Variants in IKZF3 observed in about 807,000 individuals in gnomAD.
The protein encoded by IKZF3 is IKAROS family zinc finger 3, also known as zinc finger protein Aiolos.
In IKZF3, 10 loss-of-function variants were observed where a neutral mutation model predicts 49.0. The ratio of observed to expected loss-of-function variants is 0.20; its 90% CI spans 0.13 to 0.35. The LOEUF is 0.35. Among genes scored for constraint, IKZF3 ranks in the 10% least tolerant of loss-of-function variants. IKZF3 has a pLI of 1.00. For synonymous variants in IKZF3, 209 were observed against 228.2 expected (o/e 0.92, Z 0.76); for missense variants, 498 against 664.8 (o/e 0.75, Z 2.76).
intron 5 of IKZF3, among the ~76,000 whole-genome samples, chr17:39,788,717 T>C (rs536612821): frequency 6.6e-6 from 1 of 152,154 alleles, no homozygotes; most frequent in South Asian, 2.1e-4. Context: ...AGGAGGTTAA[T>C]GTGGTATAAG....
At position 39,781,931 on chromosome 17, in the gene IKZF3, A is replaced by G. The variant is rs551951231; in HGVS notation, c.710-4164T>C. ...GACATATTTTGAGGCATGGGTGGAG[A>G]CTTTCCCATTTCCACAACTCCGATT... On this transcript the variant is annotated intron_variant, in intron 6 of 7. Transcript: ENST00000346872. Among the ~76,000 whole-genome samples, 8 of 152,252 alleles carry G rather than the reference A, an allele frequency of 5.3e-5. No individual in the cohort carries two copies. In the South Asian group the frequency reaches 1.7e-3, roughly 32 times the overall value.
At chr17:39,801,294 TGCCAATTCAGAGATAATGAG>T (rs1383601950) in intron 3 of IKZF3, among the ~76,000 whole-genome samples, 1 of 143,962 alleles carries the variant, frequency 6.9e-6, no homozygotes, top group Non-Finnish European at 1.5e-5. Context: ...TGATTTGCTA[TGCCAATTCAGAGATAATGAG>T]GCCCTAATGC....
intron 7 of IKZF3, among the ~76,000 whole-genome samples, chr17:39,767,235 AG>A (rs1168482715): frequency 6.6e-6 from 1 of 152,150 alleles, no homozygotes; most frequent in Non-Finnish European, 1.5e-5. Context: ...TGTGATCATT[AG>A]GGCCTATCTC....
intron 1 of IKZF3, chr17:39,835,177 T>TATGG (rs2062235761): frequency 2.0e-6 from 1 of 501,676 alleles, no homozygotes; most frequent in African/African-American, 1.9e-5. Flanking sequence ...GTGGTCTTCA[T>TATGG]ATGGATACTC....
Position 39,829,550 on chromosome 17 carries a change from A to C in IKZF3, c.62-62T>G. The C allele has an allele frequency of 1.2e-5, 13 of 1,104,214 alleles. 1 individual carries two copies. In the South Asian group the frequency reaches 1.6e-4, roughly 13 times the overall value. The allele number at this position is 1,104,214 out of a possible 1,614,324, so 68.4% of individuals were successfully genotyped here. ...CGTTAAAGGATTTTTATAAATATAT[A>C]TTAAGTAGACCCCCATTTAACTTTC... On this transcript the variant is annotated intron_variant, in intron 2 of 7. Coordinates refer to ENST00000346872, the MANE Select transcript of IKZF3 (RefSeq NM_012481.5).
rs1302855482 is a variant in IKZF3 at position 39,779,650 on chromosome 17, TTTG to T, written c.710-1886_710-1884del. Among the ~76,000 whole-genome samples, 4 of 146,352 alleles carry T rather than the reference TTTG, an allele frequency of 2.7e-5. No individual in the cohort carries two copies. In the East Asian group the frequency reaches 5.8e-4, roughly 21 times the overall value. On this transcript the variant is annotated intron_variant, in intron 6 of 7. Coordinates refer to ENST00000346872, the MANE Select transcript of IKZF3 (RefSeq NM_012481.5). ...AGTCTCTATGTTATATTCTTTGTTT[TTTG>T]TTTTTTTTTTTTCTGTTCCACGGCC...
At chr17:39,815,316 C>T (rs777781848) in intron 3 of IKZF3, among the ~76,000 whole-genome samples, 56 of 152,322 alleles carry the variant, frequency 3.7e-4, no homozygotes, top group Admixed American at 2.6e-4. Context: ...CTAATTTAAG[C>T]ACCTAATTAC....
At chr17:39,800,436 T>A (rs2061288965) in intron 3 of IKZF3, among the ~76,000 whole-genome samples, 1 of 152,244 alleles carries the variant, frequency 6.6e-6, no homozygotes, top group Non-Finnish European at 1.5e-5. Flanking sequence ...ATACCTTTTT[T>A]ATAACTGAAC....
chr17:39,849,048 A>T (rs967692577), intron 1 of IKZF3, among the ~76,000 whole-genome samples: 1 of 152,236 alleles, frequency 6.6e-6, no homozygotes, highest in African/African-American at 2.4e-5. Flanking sequence ...ATTAATCTTC[A>T]TTAAAATTAA....
At chr17:39,769,990 AT>A (rs1459466861) in intron 7 of IKZF3, among the ~76,000 whole-genome samples, 1 of 152,232 alleles carries the variant, frequency 6.6e-6, no homozygotes, top group Non-Finnish European at 1.5e-5. Context: ...ACCATTGTTC[AT>A]TGTTAAGGAG....
chr17:39,811,419 A>G (rs1044271682), intron 3 of IKZF3, among the ~76,000 whole-genome samples: 13 of 151,316 alleles, frequency 8.6e-5, no homozygotes, highest in Non-Finnish European at 1.5e-5. Context: ...AGGAAGGAAG[A>G]AAAGGAAGGA....
chr17:39,805,439 G>A (rs1352753215), intron 3 of IKZF3, among the ~76,000 whole-genome samples: 1 of 152,190 alleles, frequency 6.6e-6, no homozygotes, highest in African/African-American at 2.4e-5. Flanking sequence ...ATTCTTGGAT[G>A]AGAAGGAAAT....
chr17:39,778,186 A>G (rs2060639173), intron 6 of IKZF3: 1 of 987,348 alleles, frequency 1.0e-6, no homozygotes, highest in Non-Finnish European at 1.2e-6. Flanking sequence ...ATGGTGCCCC[A>G]GATTTACTGC....
At position 39,824,595 on chromosome 17, in the gene IKZF3, G is replaced by T. The variant is rs139881955; in HGVS notation, c.163+4792C>A. ...CATTATCCCCACGTGTTGTGAGAAG[G>T]ACCCGGTGGGATTGAATAATGGGGT... On this transcript the variant is annotated intron_variant, in intron 3 of 7. Transcript: ENST00000346872. Among the ~76,000 whole-genome samples the T allele has an allele frequency of 3.2e-3, 484 of 152,222 alleles. 4 individuals are homozygous for T. In the Middle Eastern group the frequency reaches 0.071, roughly 22 times the overall value.
chr17:39,797,547 C>T (rs750528758), intron 3 of IKZF3, among the ~76,000 whole-genome samples: 4 of 151,792 alleles, frequency 2.6e-5, no homozygotes, highest in Admixed American at 6.6e-5. Context: ...CTCAGCCTCC[C>T]GAGTAGCTGG....
At chr17:39,864,034 T>G in intron 1 of IKZF3, 86 bp downstream of exon 1, 39 of 1,545,580 alleles carry the variant, frequency 2.5e-5, no homozygotes, top group Non-Finnish European at 3.1e-5. Flanking sequence ...GAAGCAAAAC[T>G]GAGATTCAGA....
intron 1 of IKZF3, among the ~76,000 whole-genome samples, chr17:39,844,633 T>A (rs1232071440): frequency 1.3e-5 from 2 of 152,158 alleles, no homozygotes; most frequent in Non-Finnish European, 2.9e-5. Flanking sequence ...GAGTCTTGTT[T>A]TTTTATTTTT....
intron 1 of IKZF3, among the ~76,000 whole-genome samples, chr17:39,846,642 C>A (rs192867424): frequency 1.8e-4 from 27 of 151,940 alleles, no homozygotes; most frequent in African/African-American, 6.5e-4. Context: ...CCTATTAGTT[C>A]AAGTATAAAT....
chr17:39,797,537 C>T (rs1390817791), intron 3 of IKZF3, among the ~76,000 whole-genome samples: 1 of 151,930 alleles, frequency 6.6e-6, no homozygotes, highest in Non-Finnish European at 1.5e-5. Context: ...ATTCTCCTGC[C>T]TCAGCCTCCC....
Sources: allele counts gnomAD v4.1 joint callset (sites outside exome capture counted in the v4.1 genomes callset), GRCh38; gene constraint gnomAD v4.1.1; transcripts MANE v1.5; gene names NCBI Gene and HGNC (gene_info 2026-07-23, HGNC 2026-07-21).